Variants in TMEM41B observed in about 807,000 individuals in gnomAD.
The protein encoded by TMEM41B is protein stasimon.
In TMEM41B, 18 loss-of-function variants were observed where a neutral mutation model predicts 31.9. The ratio of observed to expected loss-of-function variants is 0.56; its 90% CI spans 0.39 to 0.84. The LOEUF is 0.84. TMEM41B is among the 40% of genes least tolerant of loss of function. TMEM41B has a pLI of 0.00. For missense variants in TMEM41B, 322 were observed against 348.0 expected (o/e 0.93, Z 0.59); for synonymous variants, 144 against 124.3 (o/e 1.16, Z -1.05).
At position 9,286,521 on chromosome 11, in the gene TMEM41B, A is replaced by G; in HGVS notation, c.640T>C (p.Phe214Leu). The change falls in exon 6 of 7, where the codon TTT becomes CTT. Residue 214 changes from phenylalanine to leucine, a missense_variant. Physicochemically the swap from Phe to Leu is conservative, Grantham distance 22. Transcript: ENST00000528080. ...LRITPFLPNW[F>L]INITSPVINV... is the part of the protein sequence containing the mutation. ...ATCACAGGAGATGTGATATTAATAA[A>G]CCAATTAGGCAGAAATGGTGTTATT... The G allele has an allele frequency of 6.2e-7, 1 of 1,613,542 alleles. No homozygotes were observed. Among genetic ancestry groups the G allele is most frequent in the South Asian group, 1.1e-5 (1 of 90,860 alleles).
intron 1 of TMEM41B, among the ~76,000 whole-genome samples, chr11:9,303,391 C>T (rs549618717): frequency 2.0e-5 from 3 of 152,066 alleles, no homozygotes; most frequent in Admixed American, 6.6e-5. Context: ...CTGCCCACCT[C>T]GGCCTACCAA....
At position 9,288,458 on chromosome 11, in the gene TMEM41B, A is replaced by G; in HGVS notation, c.446T>C (p.Leu149Ser). ...CATACTTACCAAACAAACAAGAAAT[A>G]AGGCTAGTGGAAAGGGATAAAGAAA... is the stretch of plus-strand genomic sequence containing the variant. ...SGFLYPFPLALFLVCLCSGLG... is the reference protein window; with the variant it reads ...SGFLYPFPLASFLVCLCSGLG... The change falls in exon 4 of 7, where the codon TTA becomes TCA. Residue 149 changes from leucine to serine, a missense_variant. Transcript: ENST00000528080. 1 of 1,583,722 alleles carries G rather than the reference A, an allele frequency of 6.3e-7. No individual in the cohort carries two copies. The highest frequency in any genetic ancestry group is 8.5e-7 in the Non-Finnish European group (1 of 1,170,058).
intron 1 of TMEM41B, among the ~76,000 whole-genome samples, chr11:9,313,910 C>G (rs1853623663): frequency 6.6e-6 from 1 of 152,150 alleles, no homozygotes; most frequent in Admixed American, 6.6e-5. Flanking sequence ...TCGCTCCTAA[C>G]TACTACTTCA....
At chr11:9,287,882 A>G in intron 4 of TMEM41B, 76 bp from the exon 5 acceptor site, 1 of 1,055,176 alleles carries the variant, frequency 9.5e-7, no homozygotes, top group Admixed American at 2.3e-5. Context: ...CTGAGTAAAA[A>G]GCTCAATTAA....
intron 1 of TMEM41B, among the ~76,000 whole-genome samples, chr11:9,304,496 G>A (rs984911660): frequency 3.3e-5 from 5 of 151,806 alleles, no homozygotes; most frequent in South Asian, 2.1e-4. Flanking sequence ...TTTATGAGAC[G>A]GTGTCTCACT....
intron 3 of TMEM41B, among the ~76,000 whole-genome samples, chr11:9,290,213 C>T (rs12287120): frequency 0.15 from 22,162 of 151,890 alleles, 2,289 homozygotes; most frequent in African/African-American, 0.28. Flanking sequence ...ACCGTCTCTA[C>T]TAAAATACAA....
At chr11:9,283,830 G>C (rs552318932) in intron 6 of TMEM41B, among the ~76,000 whole-genome samples, 6 of 148,446 alleles carry the variant, frequency 4.0e-5, no homozygotes, top group Non-Finnish European at 7.4e-5. Flanking sequence ...TGTTGCCCCC[G>C]CTGGAACACG....
chr11:9,285,585 T>G (rs749773663), intron 6 of TMEM41B, among the ~76,000 whole-genome samples: 1 of 152,056 alleles, frequency 6.6e-6, no homozygotes, highest in Non-Finnish European at 1.5e-5. Flanking sequence ...TCACAAAATA[T>G]GTAAGTAATT....
intron 1 of TMEM41B, among the ~76,000 whole-genome samples, chr11:9,306,239 A>G (rs1015964053): frequency 6.6e-6 from 1 of 151,284 alleles, no homozygotes; most frequent in Admixed American, 6.6e-5. Context: ...TCAACCTCCC[A>G]AAGTGCTAGG....
chr11:9,310,344 C>T (rs568651352), intron 1 of TMEM41B, among the ~76,000 whole-genome samples: 1 of 151,918 alleles, frequency 6.6e-6, no homozygotes, highest in African/African-American at 2.4e-5. Flanking sequence ...AAGTAATGTA[C>T]ATGACCCGGT....
In TMEM41B at chr11:9,283,541, T is replaced by G; in HGVS notation, c.759A>C (p.Gln253His). 1 of 1,613,592 alleles carries G rather than the reference T, an allele frequency of 6.2e-7. No homozygotes were observed. The highest frequency in any genetic ancestry group is 8.5e-7 in the Non-Finnish European group (1 of 1,179,858). Reference protein sequence around the residue: ...VAIKAGTTLYQLTTAGEAVSW... With the variant: ...VAIKAGTTLYHLTTAGEAVSW... ...AAACAGCTTCTCCTGCTGTTGTAAGTTGATACAGTGTTGTTCCTGCCTTAA... is the reference window on the plus strand; with the variant it reads ...AAACAGCTTCTCCTGCTGTTGTAAGGTGATACAGTGTTGTTCCTGCCTTAA... Residue 253 changes from glutamine to histidine, a missense_variant, in exon 7 of 7, where the codon CAA (glutamine) becomes CAC (histidine). This residue lies in a region of TMEM41B where 92 missense variants were observed against 88.0 expected (regional missense o/e 1.05). Coordinates refer to ENST00000528080, the MANE Select transcript of TMEM41B (RefSeq NM_015012.4).
intron 3 of TMEM41B, among the ~76,000 whole-genome samples, chr11:9,292,622 C>T (rs1279392292): frequency 6.6e-6 from 1 of 152,022 alleles, no homozygotes; most frequent in Non-Finnish European, 1.5e-5. Context: ...CCCAAGAGTT[C>T]CAGTTCGAGA....
At chr11:9,300,569 G>C (rs1230464894) in intron 1 of TMEM41B, among the ~76,000 whole-genome samples, 1 of 152,064 alleles carries the variant, frequency 6.6e-6, no homozygotes, top group African/African-American at 2.4e-5. Context: ...GGTAATCTCA[G>C]TATTAGCTTA....
At chr11:9,306,736 C>A (rs1182290638) in intron 1 of TMEM41B, among the ~76,000 whole-genome samples, 1 of 151,890 alleles carries the variant, frequency 6.6e-6, no homozygotes, top group Non-Finnish European at 1.5e-5. Context: ...AGACGTTCAA[C>A]ATGTTTTTCT....
intron 3 of TMEM41B, among the ~76,000 whole-genome samples, chr11:9,290,361 A>G (rs1852928101): frequency 6.6e-6 from 1 of 152,168 alleles, no homozygotes; most frequent in Non-Finnish European, 1.5e-5. Context: ...CTGGCAACAG[A>G]GCAAGACTCC....
At chr11:9,310,638 C>A (rs574597438) in intron 1 of TMEM41B, among the ~76,000 whole-genome samples, 1 of 147,240 alleles carries the variant, frequency 6.8e-6, no homozygotes, top group South Asian at 2.2e-4. Flanking sequence ...ACCTTCAAAC[C>A]GATTAGGTTA....
chr11:9,308,199 T>C lies in TMEM41B; in HGVS notation c.121+6122A>G, dbSNP rs545351377. Among the ~76,000 whole-genome samples the C allele has an allele frequency of 2.6e-5, 4 of 152,012 alleles. No individual in the cohort carries two copies. In the South Asian group the frequency reaches 8.3e-4, roughly 31 times the overall value. On this transcript the variant is annotated intron_variant, in intron 1 of 6. Coordinates refer to ENST00000528080, the MANE Select transcript of TMEM41B (RefSeq NM_015012.4). ...CTCTACTAAAAATACAAAAATTAGT[T>C]GGGCGTGGTGGTATGCGCCTGTAAT...
At chr11:9,297,930 T>C (rs1028191758) in intron 2 of TMEM41B, among the ~76,000 whole-genome samples, 3 of 151,076 alleles carry the variant, frequency 2.0e-5, no homozygotes, top group African/African-American at 7.3e-5. Flanking sequence ...CAGAGCATAG[T>C]GGTGCATGCC....
At chr11:9,297,622 T>C (rs1163898767) in intron 2 of TMEM41B, among the ~76,000 whole-genome samples, 1 of 151,426 alleles carries the variant, frequency 6.6e-6, no homozygotes, top group Non-Finnish European at 1.5e-5. Flanking sequence ...AACTGGGAGG[T>C]GGGGGCTGCA....
Sources: allele counts gnomAD v4.1 joint callset (sites outside exome capture counted in the v4.1 genomes callset), GRCh38; gene constraint gnomAD v4.1.1; regional missense constraint gnomAD v4.1.1; transcripts MANE v1.5; gene names NCBI Gene and HGNC (gene_info 2026-07-23, HGNC 2026-07-21).